DNAH14: variants seen among roughly 807,000 people sequenced by gnomAD.
DNAH14 encodes axonemal beta dynein heavy chain 14.
DNAH14 carries 478 observed loss-of-function variants against 520.9 expected under a neutral mutation model. The observed-to-expected ratio is 0.92, with a 90% CI of 0.85 to 0.99. The LOEUF (loss-of-function observed/expected upper bound fraction) is 0.99. DNAH14 is among the 50% of genes least tolerant of loss of function. The pLI is 0.00. For missense variants in DNAH14, 4,831 were observed against 5,234.5 expected (o/e 0.92, Z 2.38); for synonymous variants, 1,581 against 1,757.2 (o/e 0.90, Z 2.51).
chr1:225,155,933 C>G (rs1002198141), intron 34 of DNAH14, among the ~76,000 whole-genome samples: 1 of 152,032 alleles, frequency 6.6e-6, no homozygotes, highest in African/African-American at 2.4e-5. Context: ...AGTGAACAAC[C>G]AAAAAATTAA....
intron 10 of DNAH14, among the ~76,000 whole-genome samples, chr1:225,019,385 A>G (rs2065474055): frequency 6.6e-6 from 1 of 152,250 alleles, no homozygotes; most frequent in Admixed American, 6.5e-5. Context: ...TTCTAAATAT[A>G]TGCACACCCA....
chr1:225,160,709 T>G (rs2081431033), intron 35 of DNAH14, among the ~76,000 whole-genome samples: 1 of 152,186 alleles, frequency 6.6e-6, no homozygotes, highest in Non-Finnish European at 1.5e-5. Flanking sequence ...TTCAGTTTCA[T>G]GTTTCTGAGA....
At chr1:225,108,488 T>C (rs1438116916) in intron 23 of DNAH14, among the ~76,000 whole-genome samples, 1 of 152,224 alleles carries the variant, frequency 6.6e-6, no homozygotes, top group Non-Finnish European at 1.5e-5. Context: ...TTGCCATTTG[T>C]ATGTCTTCTT....
At chr1:225,114,770 C>CA (rs200476385) in intron 23 of DNAH14, among the ~76,000 whole-genome samples, 6,336 of 152,192 alleles carry the variant, frequency 0.042, 215 homozygotes, top group Non-Finnish European at 0.061. Flanking sequence ...AGTTTCAATG[C>CA]AAAATCCCAC....
At chr1:225,196,810 C>A (rs1201128461) in intron 38 of DNAH14, among the ~76,000 whole-genome samples, 1 of 152,046 alleles carries the variant, frequency 6.6e-6, no homozygotes, top group Non-Finnish European at 1.5e-5. Flanking sequence ...TGTATATCTT[C>A]TTTTGAGAAT....
rs572079575 is a variant in DNAH14, at chr1:225,185,122, A to C, written c.5536-169A>C. On this transcript the variant is annotated intron_variant, in intron 36 of 85. Transcript: ENST00000682510. ...CACAAAATCAATGTAAAAAAAAAAA[A>C]TCAGTAGCATTTCTATACACCAATA... 5.6e-4 allele frequency among the ~76,000 whole-genome samples: 85 copies of C among 152,232 alleles called. 2 individuals are homozygous for C. The highest frequency in any genetic ancestry group is 1.9e-3 in the African/African-American group (79 of 41,558).
chr1:225,151,868 C>G (rs564565510), intron 31 of DNAH14, 137 bp from the exon 32 acceptor site: 7 of 787,010 alleles, frequency 8.9e-6, no homozygotes, highest in Admixed American at 4.1e-5. Flanking sequence ...TTTCTCTCAC[C>G]ATTGTTTTTT....
chr1:225,365,188 C>G (rs1001772237), intron 76 of DNAH14, among the ~76,000 whole-genome samples: 9 of 152,208 alleles, frequency 5.9e-5, no homozygotes, highest in African/African-American at 1.2e-4. Flanking sequence ...CCCTTCACTT[C>G]TCTAGCATTT....
rs1328609334 is a variant in DNAH14, at chr1:225,082,655, G to C, written c.3243G>C (p.Arg1081Ser). The change falls in exon 20 of 86, where the codon AGG becomes AGC. Residue 1081 changes from arginine to serine, a missense_variant. Transcript: ENST00000682510. ...IALGNPCLKP[R>S]HWEALQEIIG... The stretch of plus-strand genomic sequence containing the variant: ...TGGGAAATCCCTGTCTCAAGCCAAG[G>C]CATTGGGAGGCTCTCCAGGAGATTA... 1 of 1,551,548 alleles carries C rather than the reference G, an allele frequency of 6.4e-7. No homozygotes were observed. The highest frequency in any genetic ancestry group is 1.4e-5 in the African/African-American group (1 of 73,160).
chr1:225,024,833 A>C (rs2148046445), intron 11 of DNAH14, among the ~76,000 whole-genome samples: 1 of 152,240 alleles, frequency 6.6e-6, no homozygotes, highest in East Asian at 1.9e-4. Flanking sequence ...TTTTTGAAAG[A>C]TATTATTATA....
intron 54 of DNAH14, among the ~76,000 whole-genome samples, chr1:225,288,398 T>C (rs140615153): frequency 6.6e-6 from 1 of 152,190 alleles, no homozygotes; most frequent in East Asian, 1.9e-4. Context: ...AAATGTAATA[T>C]AGTATCCTGG....
At position 225,374,246 on chromosome 1, in the gene DNAH14, G is replaced by A. The variant is rs1352799116; in HGVS notation, c.12319-442G>A. Among the ~76,000 whole-genome samples, 17 of 4,864 alleles carry A rather than the reference G, an allele frequency of 3.5e-3. No homozygotes were observed. The East Asian group carries it at 0.047, about 13-fold the overall frequency. 3.2% of individuals were successfully genotyped at this position (4,864 alleles called of 152,430 possible). A position where few individuals can be genotyped will look rare whatever the true frequency, so the allele number is the denominator to read the frequency against. ...TGAAATATATATAATATATATATTT[G>A]TCTATATATATATATATATATATAT... On this transcript the variant is annotated intron_variant, in intron 77 of 85. Transcript: ENST00000682510.
chr1:225,313,804 G>A (rs2094416850), intron 60 of DNAH14, among the ~76,000 whole-genome samples: 2 of 152,178 alleles, frequency 1.3e-5, no homozygotes, highest in African/African-American at 4.8e-5. Flanking sequence ...TGGTCTGAGA[G>A]ACTGTTTGTT....
At position 225,290,277 on chromosome 1, in the gene DNAH14, C is replaced by T. The variant is rs568322166; in HGVS notation, c.8469+195C>T. Among the ~76,000 whole-genome samples the T allele has an allele frequency of 3.9e-5, 6 of 151,922 alleles. No individual in the cohort carries two copies. In the South Asian group the frequency reaches 6.2e-4, roughly 16 times the overall value. ...CACACAGTTTATATATTTGTAATGACGCCATAGGTAGTTATGAATAAATAT... is the reference window on the plus strand; with the variant it reads ...CACACAGTTTATATATTTGTAATGATGCCATAGGTAGTTATGAATAAATAT... On this transcript the variant is annotated intron_variant, in intron 55 of 85. Coordinates refer to ENST00000682510, the MANE Select transcript of DNAH14 (RefSeq NM_001367479.1).
chr1:225,363,202 A>G (rs2095513158), intron 75 of DNAH14, among the ~76,000 whole-genome samples: 1 of 152,192 alleles, frequency 6.6e-6, no homozygotes, highest in South Asian at 2.1e-4. Flanking sequence ...ATTTGGAAGT[A>G]AATTGCAGAC....
intron 41 of DNAH14, among the ~76,000 whole-genome samples, chr1:225,218,347 AAGACAC>A (rs2149492532): frequency 6.6e-6 from 1 of 152,324 alleles, no homozygotes; most frequent in Non-Finnish European, 1.5e-5. Context: ...CCCCAGTTGA[AAGACAC>A]AGACTGGCTC....
Position 224,964,392 on chromosome 1 carries a change from T to A in DNAH14, c.368-87T>A, listed in dbSNP as rs545588325. 9 of 1,341,176 alleles carry A rather than the reference T, an allele frequency of 6.7e-6. No individual in the cohort carries two copies. The East Asian group carries it at 2.5e-4, about 37-fold the overall frequency. 83.1% of individuals were successfully genotyped at this position (1,341,176 alleles called of 1,614,324 possible). On this transcript the variant is annotated intron_variant, in intron 4 of 85. Transcript: ENST00000682510. ...TTGTTACCATTTAAATTTTTCTCTA[T>A]ATAGAAATATTTGTAATATTATGCA...
intron 23 of DNAH14, among the ~76,000 whole-genome samples, chr1:225,114,359 G>A (rs1372590833): frequency 2.0e-5 from 3 of 152,156 alleles, no homozygotes; most frequent in African/African-American, 7.2e-5. Flanking sequence ...CAGTATCCAA[G>A]TTGGAAGAAA....
chr1:224,990,630 A>G (rs937627793), intron 8 of DNAH14, among the ~76,000 whole-genome samples: 7 of 152,128 alleles, frequency 4.6e-5, no homozygotes, highest in Non-Finnish European at 7.4e-5. Context: ...GTGTCATAGA[A>G]CAGAATTTCT....
Sources: allele counts gnomAD v4.1 joint callset (sites outside exome capture counted in the v4.1 genomes callset), GRCh38; gene constraint gnomAD v4.1.1; transcripts MANE v1.5; gene names NCBI Gene and HGNC (gene_info 2026-07-23, HGNC 2026-07-21).